Variants in NALCN observed in about 807,000 individuals in gnomAD.
NALCN encodes sodium leak channel, non-selective, also known as sodium leak channel NALCN.
In NALCN, 111 loss-of-function variants were observed where a neutral mutation model predicts 225.3. That is an observed-to-expected ratio of 0.49 (90% confidence interval 0.42 to 0.58). NALCN has a LOEUF of 0.58. Among genes scored for constraint, NALCN ranks in the 20% least tolerant of loss-of-function variants. NALCN has a pLI of 0.00. For synonymous variants in NALCN, 764 were observed against 769.0 expected (o/e 0.99, Z 0.11); for missense variants, 1,378 against 2,202.4 (o/e 0.63, Z 7.49).
At position 101,104,462 on chromosome 13, in the gene NALCN, C is replaced by T. The variant is rs774413584; in HGVS notation, c.2758-36G>A. ...CAAAAGGCAGTTTGGTTACAATGAA[C>T]GGAAAAACAGCAGGTCAGTATTTTA... On this transcript the variant is annotated intron_variant, in intron 24 of 43. Transcript: ENST00000251127. This position sits in a 1 kb window ranked among gnomAD's most constrained non-coding sequence, Gnocchi z 4.2. The T allele has an allele frequency of 2.5e-5, 41 of 1,611,932 alleles. No individual in the cohort carries two copies. The highest frequency in any genetic ancestry group is 5.3e-5 in the African/African-American group (4 of 74,850).
intron 10 of NALCN, among the ~76,000 whole-genome samples, chr13:101,259,444 C>T (rs996311382): frequency 5.9e-5 from 9 of 151,830 alleles, no homozygotes; most frequent in African/African-American, 1.9e-4. Flanking sequence ...CGTCATTCTC[C>T]GGCTTCAGCC....
intron 27 of NALCN, among the ~76,000 whole-genome samples, chr13:101,096,165 G>C (rs905379398): frequency 2.6e-5 from 4 of 152,088 alleles, no homozygotes; most frequent in Non-Finnish European, 5.9e-5. Flanking sequence ...CATTCTAGCA[G>C]GTCCTCAAAC....
intron 7 of NALCN, among the ~76,000 whole-genome samples, chr13:101,304,993 G>A (rs1452455843): frequency 2.6e-5 from 4 of 151,786 alleles, no homozygotes; most frequent in Non-Finnish European, 5.9e-5. Context: ...CTGACCTCGT[G>A]ATCCGCCCGC....
intron 6 of NALCN, among the ~76,000 whole-genome samples, chr13:101,360,480 G>A (rs1468464893): frequency 6.6e-6 from 1 of 151,972 alleles, no homozygotes; most frequent in Admixed American, 6.6e-5. Context: ...TCATCTGCCC[G>A]TCTTGACCTC....
At chr13:101,237,038 C>A (rs1463222470) in intron 12 of NALCN, among the ~76,000 whole-genome samples, 1 of 151,420 alleles carries the variant, frequency 6.6e-6, no homozygotes, top group Admixed American at 6.6e-5. Context: ...GACTAGAATA[C>A]CATGTAGACA....
chr13:101,393,903 A>G (rs2047212772), intron 3 of NALCN, among the ~76,000 whole-genome samples: 1 of 152,238 alleles, frequency 6.6e-6, no homozygotes, highest in African/African-American at 2.4e-5. Context: ...TGACAATATT[A>G]GGAAATATGA....
At chr13:101,156,309 G>A (rs943761822) in intron 15 of NALCN, among the ~76,000 whole-genome samples, 3 of 151,948 alleles carry the variant, frequency 2.0e-5, no homozygotes, top group Admixed American at 1.3e-4. Context: ...TCAGAGTGCC[G>A]ACTTGTTTTA....
In NALCN at chr13:101,124,220, T is replaced by C. The variant is rs533224649; in HGVS notation, c.2192+388A>G. ...ATTATTTCCGGATTTTTAATAAATG[T>C]GCTCTTAATAGTGTAATGAACTATA... On this transcript the variant is annotated intron_variant, in intron 18 of 43. Coordinates refer to ENST00000251127, the MANE Select transcript of NALCN (RefSeq NM_052867.4). Among the ~76,000 whole-genome samples the C allele has an allele frequency of 1.4e-3, 220 of 152,224 alleles. 2 individuals are homozygous for C. Among genetic ancestry groups the C allele is most frequent in the Non-Finnish European group, 2.7e-3 (185 of 68,036 alleles).
Position 101,237,924 on chromosome 13 carries a change from T to C in NALCN, c.1267-2A>G, listed in dbSNP as rs771233958. 1 of 1,595,282 alleles carries C rather than the reference T, an allele frequency of 6.3e-7. No homozygotes were observed. On this transcript the variant is annotated splice_acceptor_variant, in intron 11 of 43. Transcript: ENST00000251127. LOFTEE classifies it high-confidence loss of function. ...ATCAAAAAGTACTGTAAAAGCCACC[T>C]AGAGAAACAAAGAAACATTGAAATT...
intron 15 of NALCN, among the ~76,000 whole-genome samples, chr13:101,154,397 G>A (rs1299782333): frequency 1.3e-5 from 2 of 152,084 alleles, no homozygotes. Context: ...CCTCTTATAT[G>A]GGATATTTTC....
intron 11 of NALCN, among the ~76,000 whole-genome samples, chr13:101,248,431 C>T (rs1391209711): frequency 6.6e-6 from 1 of 152,164 alleles, no homozygotes; most frequent in African/African-American, 2.4e-5. Context: ...GTAGCCTCTA[C>T]ATCCTTGGAA....
At chr13:101,360,229 T>TCC (rs2046212768) in intron 6 of NALCN, among the ~76,000 whole-genome samples, 1 of 137,792 alleles carries the variant, frequency 7.3e-6, no homozygotes. Context: ...TCTCTCTCTC[T>TCC]CCTTCCTTCC....
intron 27 of NALCN, among the ~76,000 whole-genome samples, chr13:101,097,609 C>A (rs1356979255): frequency 6.6e-6 from 1 of 152,136 alleles, no homozygotes; most frequent in Non-Finnish European, 1.5e-5. Context: ...CTTTCTACAC[C>A]TGTTTTCCTC....
intron 6 of NALCN, among the ~76,000 whole-genome samples, chr13:101,360,543 A>G (rs1353718649): frequency 6.6e-6 from 1 of 152,108 alleles, no homozygotes; most frequent in Non-Finnish European, 1.5e-5. Context: ...AGTTTCAGGT[A>G]TTTCTTTATA....
chr13:101,397,025 T>C (rs919025869), intron 2 of NALCN, among the ~76,000 whole-genome samples: 1 of 145,278 alleles, frequency 6.9e-6, no homozygotes, highest in Non-Finnish European at 1.5e-5. Context: ...CACTTCTGAC[T>C]CCTGCTTTGC....
At chr13:101,288,471 T>C (rs1288792469) in intron 9 of NALCN, among the ~76,000 whole-genome samples, 1 of 152,222 alleles carries the variant, frequency 6.6e-6, no homozygotes, top group African/African-American at 2.4e-5. Context: ...GCACTGAACA[T>C]TTATGCACAA....
intron 13 of NALCN, among the ~76,000 whole-genome samples, chr13:101,220,718 CTACTTGATTACTAT>C (rs1307354189): frequency 1.3e-5 from 2 of 152,136 alleles, no homozygotes; most frequent in Non-Finnish European, 2.9e-5. Flanking sequence ...AAATGTAATA[CTACTTGATTACTAT>C]TATAGCTGGA....
rs965413564 is a variant in NALCN, at chr13:101,172,778, A to G, written c.1839+3522T>C. The stretch of plus-strand genomic sequence containing the variant: ...GAGACGGGATTTCACCGTGTTAGCC[A>G]GGATGGTCTCGATCTCCTGACCTCG... On this transcript the variant is annotated intron_variant, in intron 15 of 43. Transcript: ENST00000251127. Among the ~76,000 whole-genome samples the G allele has an allele frequency of 2.6e-5, 4 of 152,126 alleles. No homozygotes were observed. The East Asian group carries it at 5.8e-4, about 22-fold the overall frequency.
chr13:101,175,783 G>A (rs2038934540), intron 15 of NALCN, among the ~76,000 whole-genome samples: 1 of 151,946 alleles, frequency 6.6e-6, no homozygotes. Flanking sequence ...CATTCTCTGG[G>A]GTATAACTTT....
Sources: allele counts gnomAD v4.1 joint callset (sites outside exome capture counted in the v4.1 genomes callset), GRCh38; gene constraint gnomAD v4.1.1; non-coding constraint Gnocchi (gnomAD v3.1); transcripts MANE v1.5; gene names NCBI Gene and HGNC (gene_info 2026-07-23, HGNC 2026-07-21).